EVI5: variants seen among roughly 807,000 people sequenced by gnomAD.
The protein encoded by EVI5 is ecotropic viral integration site 5 protein homolog.
In EVI5, 73 loss-of-function variants were observed where a neutral mutation model predicts 112.0. The ratio of observed to expected loss-of-function variants is 0.65; its 90% CI spans 0.54 to 0.79. The LOEUF (loss-of-function observed/expected upper bound fraction) is 0.79. Among genes scored for constraint, EVI5 ranks in the 30% least tolerant of loss-of-function variants. EVI5 has a pLI of 0.00. For missense variants in EVI5, 900 were observed against 968.8 expected (o/e 0.93, Z 0.94); for synonymous variants, 305 against 319.9 (o/e 0.95, Z 0.50).
chr1:92,648,898 A>G (rs746466694), intron 13 of EVI5, among the ~76,000 whole-genome samples: 2 of 152,222 alleles, frequency 1.3e-5, no homozygotes, highest in Non-Finnish European at 2.9e-5. Flanking sequence ...TGAGTTGAAT[A>G]GCAGGGTACC....
chr1:92,586,807 A>G (rs760639233), intron 18 of EVI5, among the ~76,000 whole-genome samples: 1 of 151,612 alleles, frequency 6.6e-6, no homozygotes, highest in Non-Finnish European at 1.5e-5. Context: ...GGTTAGCTAC[A>G]TATGTATACA....
intron 14 of EVI5, 28 bp from the exon 15 acceptor site, chr1:92,625,962 A>AT (rs753595816): frequency 2.0e-6 from 3 of 1,487,586 alleles, no homozygotes; most frequent in Non-Finnish European, 9.3e-7. Context: ...TTAATTTGGG[A>AT]TTTTTAAATT....
chr1:92,733,631 C>T (rs1322792036), intron 2 of EVI5, among the ~76,000 whole-genome samples: 2 of 151,654 alleles, frequency 1.3e-5, no homozygotes, highest in East Asian at 1.9e-4. Context: ...AAGGTGGTCT[C>T]GAACTCCTGA....
intron 1 of EVI5, chr1:92,755,974 G>A (rs1465787468): frequency 2.8e-5 from 5 of 181,582 alleles, no homozygotes; most frequent in South Asian, 1.4e-4. Context: ...ATCACGTCAC[G>A]CTCTTTCTAC....
intron 13 of EVI5, among the ~76,000 whole-genome samples, chr1:92,652,306 G>A (rs1222158387): frequency 6.6e-6 from 1 of 152,126 alleles, no homozygotes; most frequent in Non-Finnish European, 1.5e-5. Context: ...CAAATTCATA[G>A]AGACAGAAAG....
intron 16 of EVI5, among the ~76,000 whole-genome samples, chr1:92,620,236 T>G (rs1213933733): frequency 6.6e-6 from 1 of 151,152 alleles, no homozygotes; most frequent in Non-Finnish European, 1.5e-5. Flanking sequence ...CCCAGTTACT[T>G]AGGAGGCTGA....
chr1:92,567,734 G>A (rs1669715440), intron 18 of EVI5, among the ~76,000 whole-genome samples: 1 of 152,152 alleles, frequency 6.6e-6, no homozygotes, highest in African/African-American at 2.4e-5. Flanking sequence ...GTTAAGCAAT[G>A]CATAACTGCA....
chr1:92,697,804 A>G, intron 6 of EVI5, 56 bp downstream of exon 6: 1 of 1,453,604 alleles, frequency 6.9e-7, no homozygotes, highest in South Asian at 1.2e-5. Context: ...GGCACTCAGA[A>G]CAAGATATAA....
chr1:92,760,144 ATAAATGAGGGGAAAT>A (rs760774558), intron 1 of EVI5, among the ~76,000 whole-genome samples: 4 of 152,228 alleles, frequency 2.6e-5, no homozygotes, highest in Non-Finnish European at 5.9e-5. Flanking sequence ...ATTATTTTGC[ATAAATGAGGGGAAAT>A]TAATTTTTGG....
chr1:92,655,599 C>T (rs1662862123), intron 13 of EVI5, among the ~76,000 whole-genome samples: 1 of 152,034 alleles, frequency 6.6e-6, no homozygotes, highest in South Asian at 2.1e-4. Flanking sequence ...AGAAACCCAC[C>T]TAATACAGAC....
At chr1:92,588,636 T>C (rs542071561) in intron 18 of EVI5, among the ~76,000 whole-genome samples, 2 of 152,338 alleles carry the variant, frequency 1.3e-5, no homozygotes, top group South Asian at 4.1e-4. Context: ...TAACTTCTCA[T>C]TCTACCATAA....
chr1:92,559,047 T>TTA, intron 19 of EVI5, among the ~76,000 whole-genome samples: 1 of 152,276 alleles, frequency 6.6e-6, no homozygotes, highest in South Asian at 2.1e-4. Context: ...CACAAGTCCC[T>TTA]TATATCAAAT....
At chr1:92,776,786 C>A (rs1219111217) in intron 1 of EVI5, among the ~76,000 whole-genome samples, 1 of 151,068 alleles carries the variant, frequency 6.6e-6, no homozygotes, top group Non-Finnish European at 1.5e-5. Flanking sequence ...CAGGTGCACA[C>A]CACCATAGCC....
At chr1:92,554,334 G>A (rs946718295) in intron 19 of EVI5, among the ~76,000 whole-genome samples, 6 of 152,150 alleles carry the variant, frequency 3.9e-5, no homozygotes, top group South Asian at 2.1e-4. Flanking sequence ...ATCATGGTAG[G>A]GCAGTGGGAT....
intron 5 of EVI5, chr1:92,700,963 T>C (rs777486269): frequency 1.3e-5 from 2 of 152,226 alleles, no homozygotes; most frequent in Non-Finnish European, 2.9e-5. Flanking sequence ...TAAACAACTA[T>C]ACCTTAACAT....
Position 92,638,922 on chromosome 1 carries a change from T to C in EVI5, c.1393-2586A>G, listed in dbSNP as rs543574988. Among the ~76,000 whole-genome samples, 7 of 152,222 alleles carry C rather than the reference T, an allele frequency of 4.6e-5. No homozygotes were observed. In the South Asian group the frequency reaches 1.0e-3, roughly 23 times the overall value. ...AACCTCTAAAAAAAATCTAAGCATATAGATCTCACATAATGTTCTTGTATT... is the reference window on the plus strand; with the variant it reads ...AACCTCTAAAAAAAATCTAAGCATACAGATCTCACATAATGTTCTTGTATT... On this transcript the variant is annotated intron_variant, in intron 13 of 19. Transcript: ENST00000684568.
chr1:92,622,128 A>T (rs1253508105), intron 16 of EVI5, among the ~76,000 whole-genome samples: 1 of 29,610 alleles, frequency 3.4e-5, no homozygotes, highest in Non-Finnish European at 7.5e-5. Flanking sequence ...TAAAAAATAA[A>T]AATTAAAAAA....
intron 18 of EVI5, among the ~76,000 whole-genome samples, chr1:92,564,223 T>C (rs893214064): frequency 3.9e-5 from 6 of 152,152 alleles, no homozygotes; most frequent in Non-Finnish European, 4.4e-5. Flanking sequence ...TTATAAAATA[T>C]ATCTTTTGAA....
At chr1:92,696,382 G>C (rs1670322902) in intron 6 of EVI5, among the ~76,000 whole-genome samples, 1 of 152,094 alleles carries the variant, frequency 6.6e-6, no homozygotes, top group Non-Finnish European at 1.5e-5. Context: ...GGGAGGCTGA[G>C]ATAGGAAGAT....
Sources: allele counts gnomAD v4.1 joint callset (sites outside exome capture counted in the v4.1 genomes callset), GRCh38; gene constraint gnomAD v4.1.1; transcripts MANE v1.5; gene names NCBI Gene and HGNC (gene_info 2026-07-23, HGNC 2026-07-21).